The following FRMD7 variants were observed in gnomAD, a reference collection of about 807,000 sequenced individuals.
FRMD7 encodes FERM domain containing 7, also known as FERM domain-containing protein 7.
FRMD7 carries 14 observed loss-of-function variants against 44.1 expected under a neutral mutation model. The observed-to-expected ratio is 0.32, with a 90% CI of 0.21 to 0.50. The LOEUF (loss-of-function observed/expected upper bound fraction) is 0.50. Ranked by LOEUF, FRMD7 falls within the 20% of genes least tolerant of loss-of-function variation. FRMD7 has a pLI of 0.99. For missense variants in FRMD7, 501 were observed against 522.3 expected (o/e 0.96, Z 0.40); for synonymous variants, 212 against 187.4 (o/e 1.13, Z -1.07).
At chrX:132,093,426 T>C (rs1282087208) in intron 5 of FRMD7, among the ~76,000 whole-genome samples, 1 of 112,406 alleles carries the variant, frequency 8.9e-6, no homozygotes, top group East Asian at 2.8e-4. Flanking sequence ...AGCAGCAGCC[T>C]GGCCTGCCAG....
At position 132,078,218 on chromosome X, in the gene FRMD7, C is replaced by T. The variant is rs751994722; in HGVS notation, c.1799G>A (p.Arg600His). ...TCTAAATTCTGACCCAAAAGGAAAA[C>T]GAATAGTTTTCATGTCTGATTGGCT... ...SQSQSDMKTI[R>H]FPFGSEFRPL... Residue 600 changes from arginine to histidine, a missense_variant, in exon 12 of 12, where the codon CGT becomes CAT. Around this residue, in one of 3 missense-constraint regions of FRMD7, gnomAD observed 453 missense variants for 452.7 expected, o/e 1.00. Coordinates refer to ENST00000298542, the MANE Select transcript of FRMD7 (RefSeq NM_194277.3). 45 of 1,210,020 alleles carry T rather than the reference C, an allele frequency of 3.7e-5. No individual in the cohort carries two copies. The highest frequency in any genetic ancestry group is 1.0e-4 in the African/African-American group (6 of 57,209).
intron 1 of FRMD7, among the ~76,000 whole-genome samples, chrX:132,105,209 TCC>T (rs1424474578): frequency 9.0e-6 from 1 of 111,396 alleles, no homozygotes; most frequent in South Asian, 3.8e-4. Context: ...CAATCAGAAG[TCC>T]ATACTAAAGA....
intron 7 of FRMD7, 106 bp from the exon 8 acceptor site, chrX:132,084,691 A>G: frequency 1.9e-6 from 1 of 532,646 alleles, no homozygotes; most frequent in Admixed American, 2.5e-5. Context: ...ACCGCCCTTG[A>G]CCCATCTCTT....
chrX:132,110,863 C>T (rs1408665237), intron 1 of FRMD7, among the ~76,000 whole-genome samples: 1 of 112,626 alleles, frequency 8.9e-6, no homozygotes, highest in African/African-American at 3.2e-5. Flanking sequence ...CTTCTGACAA[C>T]CTATTTTGTT....
intron 11 of FRMD7, among the ~76,000 whole-genome samples, chrX:132,079,800 T>C (rs1316336723): frequency 1.8e-5 from 2 of 111,879 alleles, no homozygotes; most frequent in Non-Finnish European, 3.8e-5. Context: ...CTCTCCAGTC[T>C]ATAAGGTACA....
intron 1 of FRMD7, 140 bp downstream of exon 1, chrX:132,127,648 T>A: frequency 1.8e-6 from 1 of 545,331 alleles, no homozygotes. Flanking sequence ...AAATACAGAT[T>A]ATTTTTCCAA....
At chrX:132,113,942 C>G (rs1928840223) in intron 1 of FRMD7, among the ~76,000 whole-genome samples, 1 of 82,807 alleles carries the variant, frequency 1.2e-5, no homozygotes, top group Admixed American at 1.5e-4. Flanking sequence ...TCCAACCCCC[C>G]ACTACTCTTC....
At chrX:132,103,530 ATCTC>A (rs1928568406) in intron 1 of FRMD7, among the ~76,000 whole-genome samples, 1 of 92,808 alleles carries the variant, frequency 1.1e-5, no homozygotes, top group African/African-American at 3.9e-5. Context: ...CTATCTATCT[ATCTC>A]TATAATTTAA....
Position 132,086,045 on chromosome X carries a change from G to A in FRMD7, c.383-11C>T, listed in dbSNP as rs56029310. On this transcript the variant is annotated splice_polypyrimidine_tract_variant and intron_variant, in intron 5 of 11. Coordinates refer to ENST00000298542, the MANE Select transcript of FRMD7 (RefSeq NM_194277.3). Reference sequence around the variant, plus strand: ...AGTCTCCAAGTTCTGCTGCATGACAGGAAAAAGACATTTTTCACATTACCT... The same window carrying A: ...AGTCTCCAAGTTCTGCTGCATGACAAGAAAAAGACATTTTTCACATTACCT... 43,921 of 1,053,258 alleles carry A rather than the reference G, an allele frequency of 0.042. 773 individuals are homozygous for A. Among genetic ancestry groups the A allele is most frequent in the Non-Finnish European group, 0.05 (37,957 of 752,440 alleles). 86.8% of individuals were successfully genotyped at this position (1,053,258 alleles called of 1,213,427 possible). A position where few individuals can be genotyped will look rare whatever the true frequency, so the allele number is the denominator to read the frequency against.
chrX:132,110,655 C>T (rs1367871916), intron 1 of FRMD7, among the ~76,000 whole-genome samples: 1 of 112,060 alleles, frequency 8.9e-6, no homozygotes, highest in African/African-American at 3.2e-5. Flanking sequence ...GCTTGCCTCA[C>T]TTACTCTCCA....
chrX:132,083,588 G>T (rs1927890079), intron 8 of FRMD7, among the ~76,000 whole-genome samples: 2 of 111,895 alleles, frequency 1.8e-5, no homozygotes, highest in Non-Finnish European at 3.8e-5. Flanking sequence ...AAGATGCAGA[G>T]AATAAAATCC....
intron 7 of FRMD7, 58 bp from the exon 8 acceptor site, chrX:132,084,643 C>T: frequency 1.4e-6 from 1 of 690,313 alleles, no homozygotes; most frequent in Non-Finnish European, 2.4e-6. Flanking sequence ...GCTTGTAAGA[C>T]AGTGCAAACC....
chrX:132,083,794 T>C (rs1018703371), intron 8 of FRMD7, among the ~76,000 whole-genome samples: 2 of 111,629 alleles, frequency 1.8e-5, no homozygotes, highest in Non-Finnish European at 3.8e-5. Context: ...ACCTTGTCTC[T>C]ACAAAATATG....
chrX:132,112,479 A>T (rs1355686725), intron 1 of FRMD7, among the ~76,000 whole-genome samples: 1 of 111,807 alleles, frequency 8.9e-6, no homozygotes, highest in Non-Finnish European at 1.9e-5. Flanking sequence ...CTGGGTACTT[A>T]AGGTTTCCTG....
chrX:132,097,778 G>A (rs2124248100), intron 3 of FRMD7, among the ~76,000 whole-genome samples: 1 of 112,269 alleles, frequency 8.9e-6, no homozygotes, highest in South Asian at 3.7e-4. Context: ...AGAATTCAAA[G>A]CATGATGGAC....
chrX:132,096,018 C>CT (rs1266955730), intron 4 of FRMD7, among the ~76,000 whole-genome samples: 42 of 107,395 alleles, frequency 3.9e-4, no homozygotes, highest in East Asian at 2.6e-3. Flanking sequence ...TTTTCCCATT[C>CT]TTTTTTTTTT....
intron 1 of FRMD7, among the ~76,000 whole-genome samples, chrX:132,105,479 G>T (rs936968245): frequency 9.0e-6 from 1 of 111,368 alleles, no homozygotes; most frequent in African/African-American, 3.3e-5. Context: ...AACTACCAAT[G>T]ACATTCTTCA....
At chrX:132,100,521 C>T (rs1045099052) in intron 2 of FRMD7, 91 bp downstream of exon 2, 3 of 618,666 alleles carry the variant, frequency 4.8e-6, no homozygotes, top group African/African-American at 4.4e-5. Context: ...TTTCATTTTT[C>T]AATCAGGGAA....
chrX:132,125,973 C>T (rs1317377988), intron 1 of FRMD7, among the ~76,000 whole-genome samples: 2 of 111,425 alleles, frequency 1.8e-5, no homozygotes, highest in Non-Finnish European at 3.8e-5. Context: ...CCTTCACTCA[C>T]AAGGCTGAAT....
Sources: gnomAD v4.1 joint callset for allele counts (sites outside exome capture counted in the v4.1 genomes callset) on GRCh38, gnomAD v4.1.1 for gene constraint, gnomAD v4.1.1 regional missense constraint, MANE v1.5 for transcripts, NCBI Gene and HGNC (gene_info 2026-07-23, HGNC 2026-07-21) for gene names.